MAP3K7CL: variants seen among roughly 807,000 people sequenced by gnomAD.
The protein encoded by MAP3K7CL is MAP3K7 C-terminal-like protein.
MAP3K7CL carries 16 observed loss-of-function variants against 18.6 expected under a neutral mutation model. The ratio of observed to expected loss-of-function variants is 0.86; its 90% CI spans 0.58 to 1.31. The LOEUF is 1.31. Ranked by LOEUF, MAP3K7CL falls within the 50% of genes most tolerant of loss-of-function variation. The pLI is 0.00. For synonymous variants in MAP3K7CL, 65 were observed against 66.8 expected (o/e 0.97, Z 0.13); for missense variants, 163 against 174.4 (o/e 0.93, Z 0.37).
At chr21:29,120,522 A>T (rs2086574124) in intron 4 of MAP3K7CL, among the ~76,000 whole-genome samples, 5 of 152,178 alleles carry the variant, frequency 3.3e-5, no homozygotes, top group Admixed American at 3.3e-4. Context: ...GGGTATGAAA[A>T]GGGCCTAGCT....
Position 29,159,940 on chromosome 21 carries a change from G to A in MAP3K7CL, c.133-1G>A. 6.2e-7 allele frequency: 1 copy of A among 1,611,382 alleles called. No individual in the cohort carries two copies. Among genetic ancestry groups the A allele is most frequent in the South Asian group, 1.1e-5 (1 of 90,894 alleles). The stretch of plus-strand genomic sequence containing the variant: ...CTAATTTCTTCTTGTTGTTTGTGAA[G>A]CCCCTGCCGCCTTGTCATGACTCCG... On this transcript the variant is annotated splice_acceptor_variant, in intron 3 of 4. Coordinates refer to ENST00000399928, the MANE Select transcript of MAP3K7CL (RefSeq NM_001286620.2). LOFTEE classifies it high-confidence loss of function.
intron 4 of MAP3K7CL, among the ~76,000 whole-genome samples, chr21:29,123,387 G>T (rs923085952): frequency 2.0e-5 from 3 of 151,942 alleles, no homozygotes; most frequent in African/African-American, 7.3e-5. Context: ...AATGTTATTC[G>T]CTGTCTATGA....
chr21:29,104,074 T>C (rs746732639), intron 4 of MAP3K7CL, among the ~76,000 whole-genome samples: 6 of 152,204 alleles, frequency 3.9e-5, no homozygotes, highest in Non-Finnish European at 7.4e-5. Flanking sequence ...TGTTGTTTAC[T>C]TTTTTCCCCT....
upstream of MAP3K7CL, among the ~76,000 whole-genome samples, chr21:29,083,764 TA>T (rs1278444884): frequency 6.6e-6 from 1 of 151,858 alleles, no homozygotes; most frequent in African/African-American, 2.4e-5. Flanking sequence ...TATCTCAACT[TA>T]AAAAAATCCT....
chr21:29,160,863 A>T (rs2087530593), intron 4 of MAP3K7CL, among the ~76,000 whole-genome samples: 1 of 152,230 alleles, frequency 6.6e-6, no homozygotes, highest in African/African-American at 2.4e-5. Context: ...GCCTGGTATG[A>T]TATGTGGCAC....
At chr21:29,090,288 C>T (rs1285900966) in intron 1 of MAP3K7CL, among the ~76,000 whole-genome samples, 1 of 152,124 alleles carries the variant, frequency 6.6e-6, no homozygotes, top group Non-Finnish European at 1.5e-5. Context: ...GTGAGGAAGG[C>T]ACAACTTCTC....
chr21:29,108,887 A>G (rs1398323497), intron 4 of MAP3K7CL, among the ~76,000 whole-genome samples: 1 of 152,226 alleles, frequency 6.6e-6, no homozygotes, highest in East Asian at 1.9e-4. Flanking sequence ...ATAATTTTGC[A>G]GTGTTCAGTC....
chr21:29,139,920 T>TG (rs1165056277), intron 2 of MAP3K7CL, among the ~76,000 whole-genome samples: 5 of 117,388 alleles, frequency 4.3e-5, no homozygotes, highest in Non-Finnish European at 9.1e-5. Context: ...TTTTTTTTTT[T>TG]GGCATATTCA....
intron 4 of MAP3K7CL, among the ~76,000 whole-genome samples, chr21:29,104,502 T>G (rs888978226): frequency 9.2e-5 from 14 of 152,222 alleles, no homozygotes; most frequent in African/African-American, 3.4e-4. Flanking sequence ...GGAGGCAAGC[T>G]TTGCTGTTTT....
chr21:29,150,602 G>A (rs1295584734), intron 3 of MAP3K7CL, among the ~76,000 whole-genome samples: 1 of 152,070 alleles, frequency 6.6e-6, no homozygotes, highest in African/African-American at 2.4e-5. Flanking sequence ...TTCCTCTCTA[G>A]CTATCAGCCA....
upstream of MAP3K7CL, among the ~76,000 whole-genome samples, chr21:29,129,445 C>T (rs1363649907): frequency 6.6e-6 from 1 of 152,172 alleles, no homozygotes; most frequent in Non-Finnish European, 1.5e-5. Flanking sequence ...AGCATGTAGC[C>T]TTTCAAGATT....
chr21:29,108,927 T>G, intron 4 of MAP3K7CL: 4 of 960,478 alleles, frequency 4.2e-6, no homozygotes, highest in Non-Finnish European at 6.0e-6. Context: ...TTAGTCAAAA[T>G]GAGAAATGCA....
intron 4 of MAP3K7CL, among the ~76,000 whole-genome samples, chr21:29,122,897 ATTTG>A (rs975986427): frequency 2.0e-5 from 3 of 152,062 alleles, no homozygotes; most frequent in Non-Finnish European, 2.9e-5. Flanking sequence ...TGTATTTTAA[ATTTG>A]TTACTTTATT....
intron 4 of MAP3K7CL, among the ~76,000 whole-genome samples, chr21:29,120,993 G>A (rs1326450326): frequency 1.4e-5 from 2 of 147,252 alleles, no homozygotes; most frequent in Non-Finnish European, 3.0e-5. Flanking sequence ...TTGAGCCTCG[G>A]AGGTTGAGGC....
At chr21:29,103,544 A>G (rs972921178) in intron 4 of MAP3K7CL, among the ~76,000 whole-genome samples, 3 of 152,210 alleles carry the variant, frequency 2.0e-5, no homozygotes, top group Non-Finnish European at 4.4e-5. Context: ...CAGTCTGGCC[A>G]ACGTGATGAA....
chr21:29,152,841 C>T (rs1166689144), intron 3 of MAP3K7CL, among the ~76,000 whole-genome samples: 1 of 152,174 alleles, frequency 6.6e-6, no homozygotes, highest in Non-Finnish European at 1.5e-5. Context: ...AAGGAATATA[C>T]AGGCTGCTTA....
intron 2 of MAP3K7CL, among the ~76,000 whole-genome samples, chr21:29,141,801 A>C (rs879925743): frequency 5.6e-4 from 86 of 152,228 alleles, no homozygotes; most frequent in South Asian, 2.3e-3. Flanking sequence ...TCACATCTCT[A>C]GTGTTTAATA....
intron 2 of MAP3K7CL, among the ~76,000 whole-genome samples, chr21:29,143,715 G>T (rs979585014): frequency 6.6e-6 from 1 of 152,042 alleles, no homozygotes; most frequent in African/African-American, 2.4e-5. Flanking sequence ...GAGCTACCCC[G>T]CGTGGCCCAA....
At chr21:29,143,885 G>A (rs2087064647) in intron 2 of MAP3K7CL, among the ~76,000 whole-genome samples, 1 of 152,110 alleles carries the variant, frequency 6.6e-6, no homozygotes, top group Non-Finnish European at 1.5e-5. Context: ...CTTTGATGAA[G>A]TTTTCACCCC....
Sources: gnomAD v4.1 joint callset for allele counts (sites outside exome capture counted in the v4.1 genomes callset) on GRCh38, gnomAD v4.1.1 for gene constraint, MANE v1.5 for transcripts, NCBI Gene and HGNC (gene_info 2026-07-23, HGNC 2026-07-21) for gene names.